Variants in MSH3 observed in about 807,000 individuals in gnomAD.
MSH3 encodes DNA mismatch repair protein Msh3.
A neutral mutation model predicts 123.3 loss-of-function variants in MSH3; 106 were observed. The observed-to-expected ratio is 0.86, with a 90% CI of 0.73 to 1.01. MSH3 has a LOEUF of 1.01. MSH3 is among the 50% of genes least tolerant of loss of function. The pLI is 0.00. For missense variants in MSH3, 1,459 were observed against 1,347.6 expected (o/e 1.08, Z -1.29); for synonymous variants, 515 against 481.4 (o/e 1.07, Z -0.91).
At chr5:80,698,638 C>CAT (rs34276087) in intron 8 of MSH3, among the ~76,000 whole-genome samples, 110,465 of 151,830 alleles carry the variant, frequency 0.73, 40,292 homozygotes, top group African/African-American at 0.81. Context: ...GCAGGACAGA[C>CAT]GTGTTTTGGA....
intron 12 of MSH3, among the ~76,000 whole-genome samples, chr5:80,747,467 C>T (rs1561464552): frequency 6.6e-6 from 1 of 152,070 alleles, no homozygotes; most frequent in Non-Finnish European, 1.5e-5. Context: ...TGATGTTAGC[C>T]AAAAACAAAC....
At chr5:80,655,538 T>G (rs1380196947) in intron 1 of MSH3, 1 of 192,854 alleles carries the variant, frequency 5.2e-6, no homozygotes, top group East Asian at 8.1e-5. Flanking sequence ...TAGATGTGAC[T>G]AATCATGGAG....
chr5:80,842,963 G>C (rs995793176), intron 20 of MSH3, among the ~76,000 whole-genome samples: 13 of 152,274 alleles, frequency 8.5e-5, no homozygotes, highest in African/African-American at 2.6e-4. Flanking sequence ...GGGTGAGAGA[G>C]AGCATCCTTG....
At chr5:80,755,155 C>T (rs1487564510) in intron 12 of MSH3, among the ~76,000 whole-genome samples, 1 of 152,148 alleles carries the variant, frequency 6.6e-6, no homozygotes, top group Non-Finnish European at 1.5e-5. Flanking sequence ...CCCCTTTCCT[C>T]TGCCGGTTTG....
At chr5:80,670,884 C>A (rs780321028) in intron 4 of MSH3, among the ~76,000 whole-genome samples, 21 of 152,080 alleles carry the variant, frequency 1.4e-4, no homozygotes, top group Non-Finnish European at 3.1e-4. Flanking sequence ...CTTCGGGAAG[C>A]TGAGGTGGGT....
chr5:80,872,165 C>G (rs557107634), intron 22 of MSH3, among the ~76,000 whole-genome samples: 1 of 152,216 alleles, frequency 6.6e-6, no homozygotes, highest in East Asian at 1.9e-4. Context: ...ATTTTCTTTT[C>G]TGTTTTTAAG....
chr5:80,853,221 C>T (rs1745859412), intron 20 of MSH3, among the ~76,000 whole-genome samples: 1 of 152,104 alleles, frequency 6.6e-6, no homozygotes, highest in Admixed American at 6.5e-5. Flanking sequence ...CCTGTAATCC[C>T]AGCACTTAGG....
chr5:80,776,551 T>C (rs1744302249), intron 16 of MSH3, among the ~76,000 whole-genome samples: 1 of 152,080 alleles, frequency 6.6e-6, no homozygotes, highest in Admixed American at 6.6e-5. Flanking sequence ...CATGAATTGA[T>C]GAAAATAAAT....
chr5:80,859,129 A>G (rs1745967780), intron 21 of MSH3, among the ~76,000 whole-genome samples: 1 of 151,654 alleles, frequency 6.6e-6, no homozygotes, highest in African/African-American at 2.4e-5. Flanking sequence ...CCATATATAT[A>G]TATATATTTT....
intron 19 of MSH3, among the ~76,000 whole-genome samples, chr5:80,802,373 A>G (rs1744804150): frequency 2.0e-5 from 3 of 151,982 alleles, no homozygotes; most frequent in Non-Finnish European, 4.4e-5. Flanking sequence ...CTTTGCTGTC[A>G]TGAATAATCC....
intron 20 of MSH3, among the ~76,000 whole-genome samples, chr5:80,818,873 AT>A (rs966769491): frequency 2.2e-4 from 34 of 152,032 alleles, no homozygotes; most frequent in African/African-American, 8.0e-4. Context: ...ACATCTTTGG[AT>A]TTTTTTATAA....
rs543901554 is a variant in MSH3 at position 80,694,829 on chromosome 5, A to C, written c.1340+15736A>C. On this transcript the variant is annotated intron_variant, in intron 8 of 23. Coordinates refer to ENST00000265081, the MANE Select transcript of MSH3 (RefSeq NM_002439.5). ...TAACCTTTATGGTTTCAGATGAGAA[A>C]TCTACTATCATTCAAATTGTTTTAC... Among the ~76,000 whole-genome samples the C allele has an allele frequency of 2.6e-5, 4 of 151,492 alleles. No homozygotes were observed. The South Asian group carries it at 8.3e-4, about 31-fold the overall frequency.
At chr5:80,721,431 C>G (rs1003850358) in intron 8 of MSH3, among the ~76,000 whole-genome samples, 1 of 152,204 alleles carries the variant, frequency 6.6e-6, no homozygotes, top group African/African-American at 2.4e-5. Flanking sequence ...TCACTATTAT[C>G]AAATATACAA....
At chr5:80,766,414 C>T (rs1274176830) in intron 13 of MSH3, among the ~76,000 whole-genome samples, 10 of 139,018 alleles carry the variant, frequency 7.2e-5, no homozygotes, top group African/African-American at 1.4e-4. Context: ...GGCACGATCT[C>T]GGCTCACTGC....
At chr5:80,813,816 T>A (rs1745052710) in intron 20 of MSH3, 75 bp downstream of exon 20, 1 of 1,507,730 alleles carries the variant, frequency 6.6e-7, no homozygotes, top group African/African-American at 1.4e-5. Flanking sequence ...ATTTTCCTTT[T>A]GTGTACATAT....
chr5:80,848,011 C>A (rs1007851385), intron 20 of MSH3, among the ~76,000 whole-genome samples: 14 of 152,182 alleles, frequency 9.2e-5, no homozygotes, highest in African/African-American at 3.1e-4. Flanking sequence ...GCTGGTGGAT[C>A]ACTTGAGCCC....
chr5:80,815,811 C>T (rs186857009), intron 20 of MSH3, among the ~76,000 whole-genome samples: 21 of 152,248 alleles, frequency 1.4e-4, no homozygotes, highest in Admixed American at 6.5e-4. Flanking sequence ...AGTTTTTGTC[C>T]AGCTTTTAAA....
chr5:80,843,107 G>C (rs550609200), intron 20 of MSH3, among the ~76,000 whole-genome samples: 4 of 152,166 alleles, frequency 2.6e-5, no homozygotes, highest in African/African-American at 9.6e-5. Flanking sequence ...AGAGTTTTTA[G>C]CTTGAGGGGC....
intron 22 of MSH3, among the ~76,000 whole-genome samples, chr5:80,868,085 A>G (rs1417562432): frequency 6.6e-6 from 1 of 152,174 alleles, no homozygotes; most frequent in African/African-American, 2.4e-5. Context: ...TTCTCACACC[A>G]GTCAGAATAG....
Sources: allele counts gnomAD v4.1 joint callset (sites outside exome capture counted in the v4.1 genomes callset), GRCh38; gene constraint gnomAD v4.1.1; transcripts MANE v1.5; gene names NCBI Gene and HGNC (gene_info 2026-07-23, HGNC 2026-07-21).